Variants in MDGA2 observed in about 807,000 individuals in gnomAD.
MDGA2 encodes the protein MAM domain containing glycosylphosphatidylinositol anchor 2.
In MDGA2, 40 loss-of-function variants were observed where a neutral mutation model predicts 117.8. That is an observed-to-expected ratio of 0.34 (90% CI 0.26 to 0.44). MDGA2 has a LOEUF of 0.44. Among genes scored for constraint, MDGA2 ranks in the 20% least tolerant of loss-of-function variants. MDGA2 has a pLI of 1.00. For synonymous variants in MDGA2, 452 were observed against 439.0 expected (o/e 1.03, Z -0.37); for missense variants, 1,123 against 1,250.6 (o/e 0.90, Z 1.54).
chr14:47,317,123 T>C (rs768108131), intron 1 of MDGA2, among the ~76,000 whole-genome samples: 2 of 152,074 alleles, frequency 1.3e-5, no homozygotes, highest in African/African-American at 2.4e-5. Flanking sequence ...CAGATTACAG[T>C]CTCTAGCCAA....
chr14:47,504,971 A>T (rs1026554009), intron 1 of MDGA2, among the ~76,000 whole-genome samples: 11 of 151,948 alleles, frequency 7.2e-5, no homozygotes, highest in African/African-American at 2.2e-4. Context: ...ATTAATGGAT[A>T]AAAAAAATGT....
chr14:47,540,563 T>TACACAC (rs1555330674), intron 1 of MDGA2, among the ~76,000 whole-genome samples: 62 of 112,464 alleles, frequency 5.5e-4, no homozygotes, highest in Middle Eastern at 4.5e-3. Context: ...TGTATATATA[T>TACACAC]ACACACACAC....
At chr14:46,993,997 T>C (rs1426530913) in intron 8 of MDGA2, among the ~76,000 whole-genome samples, 1 of 152,246 alleles carries the variant, frequency 6.6e-6, no homozygotes, top group East Asian at 1.9e-4. Context: ...GAACCATCCA[T>C]GTGATTTAGG....
intron 2 of MDGA2, among the ~76,000 whole-genome samples, chr14:47,247,631 A>ATTT (rs1555366420): frequency 0.016 from 836 of 50,916 alleles, 10 homozygotes; most frequent in African/African-American, 0.054. Context: ...ATCAGTACAT[A>ATTT]TTTATTATTA....
intron 10 of MDGA2, among the ~76,000 whole-genome samples, chr14:46,889,697 G>A (rs577868193): frequency 6.6e-6 from 1 of 152,148 alleles, no homozygotes; most frequent in South Asian, 2.1e-4. Flanking sequence ...AGCGGTGTGG[G>A]ATTGGTGAAT....
intron 8 of MDGA2, among the ~76,000 whole-genome samples, chr14:46,977,125 A>G (rs533182180): frequency 3.3e-5 from 5 of 152,012 alleles, no homozygotes; most frequent in Admixed American, 1.3e-4. Flanking sequence ...AAAATATACC[A>G]TATTAGAGTA....
chr14:46,990,582 T>C (rs1594501606), intron 8 of MDGA2, among the ~76,000 whole-genome samples: 1 of 152,066 alleles, frequency 6.6e-6, no homozygotes, highest in Non-Finnish European at 1.5e-5. Flanking sequence ...TTTTATCTCC[T>C]TTTATTTTTG....
intron 3 of MDGA2, among the ~76,000 whole-genome samples, chr14:47,167,909 T>C (rs1182439678): frequency 1.3e-5 from 2 of 152,312 alleles, no homozygotes; most frequent in Admixed American, 6.5e-5. Context: ...ATAACTTAAT[T>C]GCATTTCAAC....
chr14:47,535,647 G>A (rs1320517882), intron 1 of MDGA2, among the ~76,000 whole-genome samples: 1 of 152,216 alleles, frequency 6.6e-6, no homozygotes, highest in Non-Finnish European at 1.5e-5. Context: ...GAACTCAGAA[G>A]TGGTGATGTT....
intron 8 of MDGA2, chr14:46,996,326 G>C (rs1264640755): frequency 6.6e-6 from 1 of 152,136 alleles, no homozygotes; most frequent in Non-Finnish European, 1.5e-5. Context: ...ACAGGGTTCT[G>C]AGGTGTCTTG....
chr14:47,071,537 A>AT (rs1387989761), intron 6 of MDGA2, among the ~76,000 whole-genome samples: 1 of 151,996 alleles, frequency 6.6e-6, no homozygotes, highest in Non-Finnish European at 1.5e-5. Context: ...AATACATACT[A>AT]TAGTGTCTGT....
intron 1 of MDGA2, among the ~76,000 whole-genome samples, chr14:47,628,036 C>T (rs1478359683): frequency 1.3e-5 from 2 of 152,160 alleles, no homozygotes; most frequent in African/African-American, 2.4e-5. Context: ...GGACACAGTA[C>T]CACCTGCCAT....
intron 6 of MDGA2, among the ~76,000 whole-genome samples, chr14:47,062,821 A>G (rs1270732284): frequency 6.6e-6 from 1 of 152,126 alleles, no homozygotes; most frequent in Non-Finnish European, 1.5e-5. Flanking sequence ...AGATAAATAT[A>G]CTTTTAAGTC....
At chr14:47,162,497 C>A (rs1248599374) in intron 3 of MDGA2, among the ~76,000 whole-genome samples, 1 of 151,962 alleles carries the variant, frequency 6.6e-6, no homozygotes. Flanking sequence ...GATATAAATC[C>A]TTTTTTAAAA....
In MDGA2 at chr14:47,551,081, G is replaced by T. The variant is rs1382397418; in HGVS notation, c.280+123436C>A. Among the ~76,000 whole-genome samples, 4 of 152,136 alleles carry T rather than the reference G, an allele frequency of 2.6e-5. No individual in the cohort carries two copies. The East Asian group carries it at 7.7e-4, about 29-fold the overall frequency. On this transcript the variant is annotated intron_variant, in intron 1 of 16. Coordinates refer to ENST00000399232, the MANE Select transcript of MDGA2 (RefSeq NM_001113498.3). ...TGAAAGTACTTATTAAAATGAGAAA[G>T]ATATGTGTAATATTAATGTATTAGT... is the stretch of plus-strand genomic sequence containing the variant.
At chr14:47,291,196 C>G (rs1393187824) in intron 2 of MDGA2, among the ~76,000 whole-genome samples, 1 of 152,178 alleles carries the variant, frequency 6.6e-6, no homozygotes, top group African/African-American at 2.4e-5. Context: ...CTACTCGAAA[C>G]TGCCAGCCTT....
At chr14:47,168,923 A>G (rs1319448240) in intron 3 of MDGA2, among the ~76,000 whole-genome samples, 1 of 152,132 alleles carries the variant, frequency 6.6e-6, no homozygotes, top group Non-Finnish European at 1.5e-5. Context: ...TTTAGATCTG[A>G]TATTTCTGGG....
intron 3 of MDGA2, among the ~76,000 whole-genome samples, chr14:47,169,358 C>A (rs1392284134): frequency 6.6e-6 from 1 of 151,508 alleles, no homozygotes; most frequent in African/African-American, 2.4e-5. Flanking sequence ...GAGCCAATGG[C>A]TTATATGATG....
chr14:47,051,711 G>T (rs147943382), intron 7 of MDGA2, among the ~76,000 whole-genome samples: 3 of 151,978 alleles, frequency 2.0e-5, no homozygotes, highest in Non-Finnish European at 2.9e-5. Flanking sequence ...TCTCTCTGTT[G>T]CTAAGAGGTC....
Sources: gnomAD v4.1 joint callset for allele counts (sites outside exome capture counted in the v4.1 genomes callset) on GRCh38, gnomAD v4.1.1 for gene constraint, MANE v1.5 for transcripts, NCBI Gene and HGNC (gene_info 2026-07-23, HGNC 2026-07-21) for gene names.